SPTB: variants seen among roughly 807,000 people sequenced by gnomAD.
SPTB encodes spectrin beta chain, erythrocytic.
A neutral mutation model predicts 256.2 loss-of-function variants in SPTB; 45 were observed. The observed-to-expected ratio is 0.18, with a 90% confidence interval of 0.14 to 0.23. SPTB has a LOEUF of 0.23. Ranked by LOEUF, SPTB falls within the 10% of genes least tolerant of loss-of-function variation. The pLI is 1.00. For synonymous variants in SPTB, 1,231 were observed against 1,243.1 expected (o/e 0.99, Z 0.21); for missense variants, 2,715 against 3,040.4 (o/e 0.89, Z 2.52).
intron 33 of SPTB, among the ~76,000 whole-genome samples, chr14:64,751,495 C>T (rs2139424731): frequency 6.6e-6 from 1 of 152,200 alleles, no homozygotes; most frequent in African/African-American, 2.4e-5. Flanking sequence ...ATTGATGAAC[C>T]TTATAATACT....
rs945727099 is a variant in SPTB, at chr14:64,863,188, C to G, written c.-52+16604G>C. ...CAAGATCTGGGTCCCTGGTCAAAAC[C>G]AATCTTGGCTTCCTGTAGACCAGGG... On this transcript the variant is annotated intron_variant, in intron 1 of 35. Coordinates refer to ENST00000644917, the MANE Select transcript of SPTB (RefSeq NM_001355436.2). Among the ~76,000 whole-genome samples, 19 of 152,114 alleles carry G rather than the reference C, an allele frequency of 1.2e-4. 1 individual carries two copies. The highest frequency in any genetic ancestry group is 2.9e-5 in the Non-Finnish European group (2 of 68,036).
chr14:64,871,563 A>C (rs1176393278), intron 1 of SPTB, among the ~76,000 whole-genome samples: 1 of 152,226 alleles, frequency 6.6e-6, no homozygotes. Flanking sequence ...AGGTCGCTTA[A>C]CTTGAGGGCT....
In SPTB at chr14:64,779,235, C is replaced by T. The variant is rs956359882; in HGVS notation, c.4485G>A (p.Glu1495=). 1.2e-6 allele frequency: 2 copies of T among 1,613,462 alleles called. No individual in the cohort carries two copies. Among genetic ancestry groups the T allele is most frequent in the Non-Finnish European group, 1.7e-6 (2 of 1,179,730 alleles). The part of the protein sequence containing the change: ...RDLEDETLWV[E]ERLPLAQSAD... ...CTGACTGGGCCAGAGGCAGCCTCTC[C>T]TCCACCCAAAGCTGCAGAGACCAGG... is the stretch of plus-strand genomic sequence containing the variant. Residue 1495 remains glutamate (E), a synonymous_variant, in exon 22 of 36, where the codon GAG becomes GAA. Coordinates refer to ENST00000644917, the MANE Select transcript of SPTB (RefSeq NM_001355436.2). The surrounding 1 kb of genome is among the most constrained non-coding windows in gnomAD (Gnocchi z 4.2).
chr14:64,866,594 G>A lies in SPTB; in HGVS notation c.-52+13198C>T, dbSNP rs551065325. ...GCAGGACGAGGCAGGAGAAGAGAGCGGCTGGATTGCAGTGGGAGTGCATCC... is the reference window on the plus strand; with the variant it reads ...GCAGGACGAGGCAGGAGAAGAGAGCAGCTGGATTGCAGTGGGAGTGCATCC... On this transcript the variant is annotated intron_variant, in intron 1 of 35. Transcript: ENST00000644917. The surrounding 1 kb of genome is among the most constrained non-coding windows in gnomAD (Gnocchi z 4.6). Among the ~76,000 whole-genome samples, 10 of 152,232 alleles carry A rather than the reference G, an allele frequency of 6.6e-5. No homozygotes were observed. Among genetic ancestry groups the A allele is most frequent in the East Asian group, 5.8e-4 (3 of 5,176 alleles).
In SPTB at chr14:64,758,329, G is replaced by T. The variant is rs1163183005; in HGVS notation, c.6346-4536C>A. On this transcript the variant is annotated intron_variant, in intron 32 of 35. Coordinates refer to ENST00000644917, the MANE Select transcript of SPTB (RefSeq NM_001355436.2). This position sits in a 1 kb window ranked among gnomAD's most constrained non-coding sequence, Gnocchi z 4.6. ...GCCTCAGCCCCTCCTTTCTCGGCCAGTTTCAGTTGGAACATTCTGAGGCTT... is the reference window on the plus strand; with the variant it reads ...GCCTCAGCCCCTCCTTTCTCGGCCATTTTCAGTTGGAACATTCTGAGGCTT... 6.6e-6 allele frequency among the ~76,000 whole-genome samples: 1 copy of T among 152,260 alleles called. No homozygotes were observed. The highest frequency in any genetic ancestry group is 6.5e-5 in the Admixed American group (1 of 15,290).
intron 1 of SPTB, among the ~76,000 whole-genome samples, chr14:64,857,178 C>G (rs890973013): frequency 1.3e-5 from 2 of 151,998 alleles, no homozygotes; most frequent in Non-Finnish European, 1.5e-5. Context: ...TATAGCAAAC[C>G]CTCAAATGAA....
chr14:64,854,403 C>T (rs1376306800), intron 1 of SPTB, among the ~76,000 whole-genome samples: 4 of 148,440 alleles, frequency 2.7e-5, no homozygotes, highest in East Asian at 4.1e-4. Flanking sequence ...CTCAGCCTCC[C>T]GAGTAGCTGA....
chr14:64,822,841 T>C (rs1407615599), intron 2 of SPTB, 106 bp downstream of exon 2: 1 of 1,539,148 alleles, frequency 6.5e-7, no homozygotes, highest in African/African-American at 1.4e-5. Flanking sequence ...ATCACTGCCA[T>C]GCCAGGGCTC....
chr14:64,771,466 A>G (rs1323964078), intron 26 of SPTB, among the ~76,000 whole-genome samples: 1 of 152,158 alleles, frequency 6.6e-6, no homozygotes, highest in African/African-American at 2.4e-5. Flanking sequence ...CTTTCCAACA[A>G]ACCCAGGAAG....
chr14:64,838,774 C>A (rs970547825), intron 1 of SPTB, among the ~76,000 whole-genome samples: 3 of 152,048 alleles, frequency 2.0e-5, no homozygotes, highest in African/African-American at 4.8e-5. Flanking sequence ...TACCATATGA[C>A]TCAGCAATTG....
At chr14:64,875,737 G>A (rs1395495726) in intron 1 of SPTB, among the ~76,000 whole-genome samples, 1 of 151,430 alleles carries the variant, frequency 6.6e-6, no homozygotes, top group African/African-American at 2.4e-5. Flanking sequence ...TCTTTCCACA[G>A]TCATTTTTGG....
chr14:64,864,864 AG>A (rs1203963347), intron 1 of SPTB, among the ~76,000 whole-genome samples: 1 of 152,210 alleles, frequency 6.6e-6, no homozygotes. Flanking sequence ...GCAGGAAAGA[AG>A]GTCTGGACCA....
chr14:64,825,173 G>T lies in SPTB; in HGVS notation c.-51-2028C>A, dbSNP rs112812052. On this transcript the variant is annotated intron_variant, in intron 1 of 35. Transcript: ENST00000644917. This position sits in a 1 kb window ranked among gnomAD's most constrained non-coding sequence, Gnocchi z 4.8. The stretch of plus-strand genomic sequence containing the variant: ...TTCCCCTCAATCAGAAGGGTTTCAG[G>T]AGGGCAGGTGGGGAAAGGACATGGT... Among the ~76,000 whole-genome samples, 281 of 152,204 alleles carry T rather than the reference G, an allele frequency of 1.8e-3. 1 individual carries two copies. Among genetic ancestry groups the T allele is most frequent in the African/African-American group, 6.4e-3 (267 of 41,528 alleles).
chr14:64,765,025 C>CGCGTGT (rs1555366139), intron 32 of SPTB, among the ~76,000 whole-genome samples: 4 of 118,254 alleles, frequency 3.4e-5, no homozygotes, highest in Non-Finnish European at 6.8e-5. Flanking sequence ...GGAGTGTGTG[C>CGCGTGT]GTGTGTGTGT....
intron 2 of SPTB, among the ~76,000 whole-genome samples, chr14:64,817,277 C>A (rs2083209533): frequency 6.6e-6 from 1 of 152,182 alleles, no homozygotes; most frequent in African/African-American, 2.4e-5. Flanking sequence ...TGCCTGGGGG[C>A]AGGGGGACAA....
At chr14:64,830,715 G>A (rs562906933) in intron 1 of SPTB, among the ~76,000 whole-genome samples, 26 of 151,982 alleles carry the variant, frequency 1.7e-4, no homozygotes, top group African/African-American at 3.6e-4. Context: ...CCTCCTGCAC[G>A]GCCCCTCATG....
At chr14:64,862,278 G>A (rs184936608) in intron 1 of SPTB, among the ~76,000 whole-genome samples, 2,085 of 152,014 alleles carry the variant, frequency 0.014, 24 homozygotes, top group Admixed American at 0.023. Flanking sequence ...CACTCTCAGC[G>A]GCTCTCTCCC....
At chr14:64,808,490 A>G (rs961736105) in intron 2 of SPTB, among the ~76,000 whole-genome samples, 1 of 152,216 alleles carries the variant, frequency 6.6e-6, no homozygotes, top group South Asian at 2.1e-4. Context: ...TTTCAGGTCA[A>G]ATACACCCAT....
intron 1 of SPTB, among the ~76,000 whole-genome samples, chr14:64,867,137 C>G (rs1357866324): frequency 1.3e-5 from 2 of 152,226 alleles, no homozygotes; most frequent in African/African-American, 2.4e-5. Flanking sequence ...AGGTGGAAGA[C>G]AGCCTCCACT....
Sources: allele counts gnomAD v4.1 joint callset (sites outside exome capture counted in the v4.1 genomes callset), GRCh38; gene constraint gnomAD v4.1.1; non-coding constraint Gnocchi (gnomAD v3.1); transcripts MANE v1.5; gene names NCBI Gene and HGNC (gene_info 2026-07-23, HGNC 2026-07-21).